Variants in GMDS observed in about 807,000 individuals in gnomAD.
GMDS encodes GDP-mannose 4,6 dehydratase.
GMDS carries 20 observed loss-of-function variants against 49.9 expected under a neutral mutation model. That is an observed-to-expected ratio of 0.40 (90% confidence interval 0.28 to 0.58). The LOEUF (loss-of-function observed/expected upper bound fraction) is 0.58. Among genes scored for constraint, GMDS ranks in the 20% least tolerant of loss-of-function variants. GMDS has a pLI of 0.42. For synonymous variants in GMDS, 177 were observed against 178.6 expected, an observed-to-expected ratio of 0.99 and a Z score of 0.07; for missense variants, 362 against 481.4, an observed-to-expected ratio of 0.75 and a Z score of 2.32.
chr6:1,996,980 T>G (rs1358495431), intron 4 of GMDS, among the ~76,000 whole-genome samples: 5 of 151,902 alleles, frequency 3.3e-5, no homozygotes, highest in Admixed American at 6.6e-5. Flanking sequence ...ATTTTCCAAG[T>G]AAGTCTTCTG....
intron 9 of GMDS, among the ~76,000 whole-genome samples, chr6:1,626,824 A>T (rs896558389): frequency 1.3e-5 from 2 of 152,262 alleles, no homozygotes; most frequent in Non-Finnish European, 2.9e-5. Context: ...TCACAATATA[A>T]AAACAACCAG....
intron 1 of GMDS, among the ~76,000 whole-genome samples, chr6:2,144,445 G>A (rs182278470): frequency 5.3e-5 from 8 of 152,322 alleles, no homozygotes; most frequent in East Asian, 1.9e-4. Context: ...AAAACAAGGC[G>A]GGGCAGGGTG....
intron 4 of GMDS, among the ~76,000 whole-genome samples, chr6:2,070,516 G>A (rs1771926759): frequency 6.6e-6 from 1 of 152,162 alleles, no homozygotes; most frequent in African/African-American, 2.4e-5. Context: ...TCTGATGGAT[G>A]AGGTCACAAG....
At chr6:1,744,055 G>A (rs1326984400) in intron 7 of GMDS, among the ~76,000 whole-genome samples, 1 of 152,128 alleles carries the variant, frequency 6.6e-6, no homozygotes, top group Non-Finnish European at 1.5e-5. Flanking sequence ...CAATGAGCCA[G>A]CCTATTTTCT....
At chr6:2,017,369 C>T (rs545649296) in intron 4 of GMDS, among the ~76,000 whole-genome samples, 1 of 151,982 alleles carries the variant, frequency 6.6e-6, no homozygotes, top group African/African-American at 2.4e-5. Context: ...AGTGCAGTGG[C>T]GCTATCTCCG....
At chr6:2,024,060 C>CA (rs1232261663) in intron 4 of GMDS, among the ~76,000 whole-genome samples, 1 of 150,150 alleles carries the variant, frequency 6.7e-6, no homozygotes, top group Non-Finnish European at 1.5e-5. Flanking sequence ...TTCTAATAAT[C>CA]AAAAAAAGAA....
At chr6:1,993,539 G>A (rs79177977) in intron 4 of GMDS, among the ~76,000 whole-genome samples, 2,838 of 152,218 alleles carry the variant, frequency 0.019, 28 homozygotes, top group Non-Finnish European at 0.03. Flanking sequence ...ATCTTACTAC[G>A]GAAAGTAAAA....
At chr6:1,852,677 G>A (rs1359585039) in intron 7 of GMDS, among the ~76,000 whole-genome samples, 1 of 151,158 alleles carries the variant, frequency 6.6e-6, no homozygotes, top group Non-Finnish European at 1.5e-5. Context: ...TCTGTCCCTG[G>A]CAATGGTGGA....
intron 7 of GMDS, among the ~76,000 whole-genome samples, chr6:1,834,482 G>A (rs1015693586): frequency 3.3e-5 from 5 of 151,918 alleles, no homozygotes; most frequent in African/African-American, 7.3e-5. Flanking sequence ...GGGGAGAGTC[G>A]GCAACTCCCT....
intron 6 of GMDS, among the ~76,000 whole-genome samples, chr6:1,936,290 T>G (rs1207522562): frequency 6.6e-6 from 1 of 152,200 alleles, no homozygotes; most frequent in African/African-American, 2.4e-5. Flanking sequence ...CCAGCAGGCC[T>G]GCATGGACCC....
chr6:2,044,116 G>C (rs1769850145), intron 4 of GMDS, among the ~76,000 whole-genome samples: 1 of 152,128 alleles, frequency 6.6e-6, no homozygotes, highest in Non-Finnish European at 1.5e-5. Flanking sequence ...CTGCTGGTGG[G>C]CATATAAATT....
chr6:1,774,817 T>A (rs553459425), intron 7 of GMDS, among the ~76,000 whole-genome samples: 1 of 152,320 alleles, frequency 6.6e-6, no homozygotes, highest in East Asian at 1.9e-4. Context: ...CAGTGTGGCA[T>A]GTAACTTCAG....
intron 7 of GMDS, among the ~76,000 whole-genome samples, chr6:1,843,655 T>C (rs186869698): frequency 6.6e-6 from 1 of 152,138 alleles, no homozygotes; most frequent in African/African-American, 2.4e-5. Flanking sequence ...GTAGTCCCAG[T>C]TACCCAGGAG....
chr6:1,915,696 C>G (rs1761350809), intron 7 of GMDS, among the ~76,000 whole-genome samples: 1 of 152,222 alleles, frequency 6.6e-6, no homozygotes, highest in South Asian at 2.1e-4. Flanking sequence ...ATGAACGCGC[C>G]TGATCTGGGC....
At chr6:2,186,488 T>C (rs942955003) in intron 1 of GMDS, among the ~76,000 whole-genome samples, 7 of 152,338 alleles carry the variant, frequency 4.6e-5, no homozygotes, top group Admixed American at 2.6e-4. Context: ...AAGAGGAATC[T>C]ATAACAAGCC....
At chr6:2,063,039 C>T (rs948957299) in intron 4 of GMDS, among the ~76,000 whole-genome samples, 1 of 152,212 alleles carries the variant, frequency 6.6e-6, no homozygotes, top group African/African-American at 2.4e-5. Context: ...AGGGCATTTG[C>T]TATGATGAGC....
intron 7 of GMDS, among the ~76,000 whole-genome samples, chr6:1,755,977 T>C (rs1199659957): frequency 6.6e-6 from 1 of 152,202 alleles, no homozygotes; most frequent in Non-Finnish European, 1.5e-5. Flanking sequence ...ACAGGCAACC[T>C]ACAGAATGGT....
intron 1 of GMDS, among the ~76,000 whole-genome samples, chr6:2,235,418 A>T (rs1396695534): frequency 6.6e-6 from 1 of 152,198 alleles, no homozygotes; most frequent in African/African-American, 2.4e-5. Flanking sequence ...ATTCCATACT[A>T]AGCACCCAAA....
At chr6:1,714,646 T>C (rs184023610) in intron 9 of GMDS, among the ~76,000 whole-genome samples, 8 of 152,330 alleles carry the variant, frequency 5.3e-5, no homozygotes, top group East Asian at 3.9e-4. Flanking sequence ...TCCACAAATA[T>C]AGCCTCAGAG....
Sources: gnomAD v4.1 joint callset for allele counts (sites outside exome capture counted in the v4.1 genomes callset) on GRCh38, gnomAD v4.1.1 for gene constraint, MANE v1.5 for transcripts, NCBI Gene and HGNC (gene_info 2026-07-23, HGNC 2026-07-21) for gene names.